WIPF1: variants seen among roughly 807,000 people sequenced by gnomAD.
WIPF1 encodes WAS/WASL-interacting protein family member 1.
In WIPF1, 13 loss-of-function variants were observed where a neutral mutation model predicts 35.4. The ratio of observed to expected loss-of-function variants is 0.37; its 90% confidence interval spans 0.24 to 0.58. The LOEUF is 0.58. Ranked by LOEUF, WIPF1 falls within the 20% of genes least tolerant of loss-of-function variation. WIPF1 has a pLI of 0.74. For synonymous variants in WIPF1, 267 were observed against 266.3 expected (o/e 1.00, Z -0.02); for missense variants, 591 against 667.0 (o/e 0.89, Z 1.25).
At chr2:174,654,143 T>C (rs1687597149) in intron 1 of WIPF1, among the ~76,000 whole-genome samples, 2 of 152,226 alleles carry the variant, frequency 1.3e-5, no homozygotes, top group South Asian at 4.1e-4. Context: ...TCCTTTATTG[T>C]TTAATGCTTT....
chr2:174,613,646 G>A (rs896565757), intron 1 of WIPF1, among the ~76,000 whole-genome samples: 19 of 152,154 alleles, frequency 1.2e-4, no homozygotes, highest in Admixed American at 2.6e-4. Flanking sequence ...CTACTATTAC[G>A]ATTATTAAGT....
upstream of WIPF1, among the ~76,000 whole-genome samples, chr2:174,600,086 T>A (rs957836763): frequency 6.6e-6 from 1 of 152,154 alleles, no homozygotes. Flanking sequence ...GCTGATCTGA[T>A]AGGAGGCAGA....
chr2:174,663,188 G>C (rs1318658731), intron 1 of WIPF1, among the ~76,000 whole-genome samples: 1 of 152,196 alleles, frequency 6.6e-6, no homozygotes, highest in Non-Finnish European at 1.5e-5. Context: ...GCAAGGTGGT[G>C]CTCTAGAAAA....
intron 1 of WIPF1, among the ~76,000 whole-genome samples, chr2:174,667,885 T>A (rs1574869435): frequency 1.3e-5 from 2 of 152,336 alleles, no homozygotes; most frequent in East Asian, 3.9e-4. Flanking sequence ...CTCCGCTAGT[T>A]TGATTCTCTC....
intron 2 of WIPF1, among the ~76,000 whole-genome samples, chr2:174,582,184 A>G (rs1164574403): frequency 1.3e-5 from 2 of 152,246 alleles, no homozygotes; most frequent in African/African-American, 4.8e-5. Flanking sequence ...GCTCATGGAA[A>G]TTGTGGAATG....
chr2:174,574,131 A>G (rs909786793), intron 4 of WIPF1, among the ~76,000 whole-genome samples: 1 of 152,054 alleles, frequency 6.6e-6, no homozygotes, highest in Non-Finnish European at 1.5e-5. Context: ...GGCTTCAGCC[A>G]TCTGCCTGCC....
chr2:174,610,484 G>A (rs1376461196), intron 1 of WIPF1, among the ~76,000 whole-genome samples: 1 of 151,988 alleles, frequency 6.6e-6, no homozygotes, highest in African/African-American at 2.4e-5. Context: ...CAAAAATTTG[G>A]GGTATAAAAA....
At position 174,586,075 on chromosome 2, in the gene WIPF1, C is replaced by T. The variant is rs537514916; in HGVS notation, c.-38-464G>A. Reference sequence around the variant, plus strand: ...CTGACATTCGCCAAGTCTGTGTGTGCACTGCAGGAATATGAAAATGAATCT... The same window carrying T: ...CTGACATTCGCCAAGTCTGTGTGTGTACTGCAGGAATATGAAAATGAATCT... On this transcript the variant is annotated intron_variant, in intron 1 of 7. Coordinates refer to ENST00000679041, the MANE Select transcript of WIPF1 (RefSeq NM_001375834.1). Among the ~76,000 whole-genome samples, 4 of 152,292 alleles carry T rather than the reference C, an allele frequency of 2.6e-5. No individual in the cohort carries two copies. In the South Asian group the frequency reaches 8.3e-4, roughly 32 times the overall value.
At chr2:174,623,578 C>T (rs999661570) in intron 1 of WIPF1, 18 of 152,208 alleles carry the variant, frequency 1.2e-4, no homozygotes, top group African/African-American at 4.1e-4. Flanking sequence ...ACCCAAATCT[C>T]AGTCTATGAA....
chr2:174,569,373 C>T (rs1474392449), intron 5 of WIPF1, among the ~76,000 whole-genome samples: 2 of 152,018 alleles, frequency 1.3e-5, no homozygotes, highest in African/African-American at 4.8e-5. Context: ...TGCTGGAGTC[C>T]CAGGCAGCAA....
chr2:174,681,782 G>C (rs1688250297), intron 1 of WIPF1, among the ~76,000 whole-genome samples: 1 of 152,144 alleles, frequency 6.6e-6, no homozygotes, highest in Non-Finnish European at 1.5e-5. Context: ...GAGCCAACTT[G>C]AGAGGCTTCC....
At chr2:174,615,617 A>T (rs1292654371) in intron 1 of WIPF1, among the ~76,000 whole-genome samples, 2 of 152,234 alleles carry the variant, frequency 1.3e-5, no homozygotes, top group Non-Finnish European at 2.9e-5. Flanking sequence ...CATTGCTAAA[A>T]ATATTTAAAG....
intron 1 of WIPF1, among the ~76,000 whole-genome samples, chr2:174,641,763 C>CT (rs905392960): frequency 6.6e-6 from 1 of 152,220 alleles, no homozygotes; most frequent in Admixed American, 6.5e-5. Context: ...GCTGCACTGA[C>CT]TTTTTTCAGC....
chr2:174,660,396 T>C (rs907467602), intron 1 of WIPF1, among the ~76,000 whole-genome samples: 4 of 152,194 alleles, frequency 2.6e-5, no homozygotes, highest in African/African-American at 4.8e-5. Flanking sequence ...GCAAGATACA[T>C]AGTAGGTGCT....
chr2:174,657,130 T>C (rs1369301995), intron 1 of WIPF1, among the ~76,000 whole-genome samples: 2 of 152,228 alleles, frequency 1.3e-5, no homozygotes, highest in Non-Finnish European at 1.5e-5. Flanking sequence ...ACTGGCTTGA[T>C]GGAATCTTGG....
In WIPF1 at chr2:174,562,436, T is replaced by TCCTCCTGCCCA. The variant is rs1684509385; in HGVS notation, c.*100_*110dup. ...ATATTCCCACTCCCCCTCCCACCTT[T>TCCTCCTGCCCA]CCTCCTGCCCATACATGAGGCACAA... On this transcript the variant is annotated 3_prime_UTR_variant, in exon 8 of 8. Transcript: ENST00000679041. 3 of 1,572,200 alleles carry TCCTCCTGCCCA rather than the reference T, an allele frequency of 1.9e-6. No individual in the cohort carries two copies. Among genetic ancestry groups the TCCTCCTGCCCA allele is most frequent in the Non-Finnish European group, 2.6e-6 (3 of 1,157,296 alleles).
rs566846909 is a variant in WIPF1 at position 174,607,402 on chromosome 2, C to A, written c.-38-21791G>T. Among the ~76,000 whole-genome samples, 419 of 151,486 alleles carry A rather than the reference C, an allele frequency of 2.8e-3. 5 individuals are homozygous for A. The highest frequency in any genetic ancestry group is 9.7e-3 in the African/African-American group (401 of 41,306). On this transcript the variant is annotated intron_variant, in intron 1 of 8. Transcript: ENST00000272746. The stretch of plus-strand genomic sequence containing the variant: ...TGGGCAACAGAGCAGGACTCCATCT[C>A]AAAAAAAATAAAATAAAATAAAGAA...
intron 1 of WIPF1, among the ~76,000 whole-genome samples, chr2:174,646,835 G>A (rs538941887): frequency 5.3e-5 from 8 of 151,992 alleles, no homozygotes; most frequent in Non-Finnish European, 8.8e-5. Context: ...GGTGGGTCTC[G>A]AACTCCTGGG....
intron 1 of WIPF1, among the ~76,000 whole-genome samples, chr2:174,635,310 A>T (rs531962456): frequency 1.1e-4 from 17 of 152,306 alleles, no homozygotes; most frequent in African/African-American, 3.6e-4. Flanking sequence ...GCTGGGCATC[A>T]TCTTCCTCCA....
Sources: gnomAD v4.1 joint callset for allele counts (sites outside exome capture counted in the v4.1 genomes callset) on GRCh38, gnomAD v4.1.1 for gene constraint, MANE v1.5 for transcripts, NCBI Gene and HGNC (gene_info 2026-07-23, HGNC 2026-07-21) for gene names.